The following SLC39A9 variants were observed in gnomAD, a reference collection of about 807,000 sequenced individuals.
SLC39A9 encodes the protein zinc transporter ZIP9.
A neutral mutation model predicts 28.4 loss-of-function variants in SLC39A9; 14 were observed. The ratio of observed to expected loss-of-function variants is 0.49; its 90% CI spans 0.33 to 0.77. The LOEUF (loss-of-function observed/expected upper bound fraction) is 0.77. SLC39A9 is among the 30% of genes least tolerant of loss of function. The pLI, the probability that SLC39A9 is intolerant of heterozygous loss-of-function variation, is 0.02. For missense variants in SLC39A9, 283 were observed against 381.1 expected (o/e 0.74, Z 2.14); for synonymous variants, 119 against 149.6 (o/e 0.80, Z 1.49).
intron 2 of SLC39A9, among the ~76,000 whole-genome samples, chr14:69,427,475 A>T (rs8016781): frequency 0.45 from 68,746 of 152,060 alleles, 15,721 homozygotes; most frequent in Middle Eastern, 0.59. Context: ...TTCACACTTT[A>T]GGTGTACACA....
chr14:69,451,117 A>G (rs938610729), intron 3 of SLC39A9, among the ~76,000 whole-genome samples: 8 of 152,228 alleles, frequency 5.3e-5, no homozygotes, highest in African/African-American at 1.9e-4. Flanking sequence ...CACACAGTGT[A>G]ATTTGACTGT....
chr14:69,431,777 T>C (rs1414602967), intron 2 of SLC39A9, among the ~76,000 whole-genome samples: 1 of 152,162 alleles, frequency 6.6e-6, no homozygotes, highest in East Asian at 1.9e-4. Flanking sequence ...GAGTACCTGA[T>C]GTTTAGTTCC....
intron 1 of SLC39A9, among the ~76,000 whole-genome samples, chr14:69,401,204 A>C (rs1356639362): frequency 2.6e-5 from 4 of 152,110 alleles, no homozygotes; most frequent in Non-Finnish European, 4.4e-5. Flanking sequence ...CCATTAGCAG[A>C]AGTTTATTAT....
intron 1 of SLC39A9, among the ~76,000 whole-genome samples, chr14:69,410,042 GTTAT>G (rs1294807965): frequency 1.3e-5 from 2 of 152,182 alleles, no homozygotes; most frequent in African/African-American, 2.4e-5. Context: ...GCTTTTCCAG[GTTAT>G]TTTTCAATGG....
At chr14:69,454,731 T>G in intron 4 of SLC39A9, 81 bp from the exon 5 acceptor site, 1 of 1,169,530 alleles carries the variant, frequency 8.6e-7, no homozygotes, top group Non-Finnish European at 1.3e-6. Context: ...GACCTGACTG[T>G]AAAGCTCATA....
intron 1 of SLC39A9, among the ~76,000 whole-genome samples, chr14:69,406,985 G>C (rs1371724011): frequency 6.7e-6 from 1 of 149,872 alleles, no homozygotes; most frequent in African/African-American, 2.5e-5. Context: ...CCAGTAGATG[G>C]GATTACAGGT....
chr14:69,422,077 T>C (rs1364027338), intron 1 of SLC39A9, among the ~76,000 whole-genome samples: 2 of 152,134 alleles, frequency 1.3e-5, no homozygotes, highest in African/African-American at 4.8e-5. Context: ...AAATCACCTG[T>C]CTTCTGCGTC....
At position 69,458,731 on chromosome 14, in the gene SLC39A9, T is replaced by G. The variant is rs1053722183; in HGVS notation, c.*138T>G. The G allele has an allele frequency of 6.4e-6, 9 of 1,411,860 alleles. No individual in the cohort carries two copies. Among genetic ancestry groups the G allele is most frequent in the South Asian group, 1.6e-5 (1 of 60,754 alleles). 87.5% of individuals were successfully genotyped at this position (1,411,860 alleles called of 1,614,324 possible). A position where few individuals can be genotyped will look rare whatever the true frequency, so the allele number is the denominator to read the frequency against. On this transcript the variant is annotated 3_prime_UTR_variant, in exon 7 of 7. Transcript: ENST00000336643. ...GTATTCCTAGAGTCCAGAGGGGAGG[T>G]GAGGTTAAAACCTGAGTAATGGAAA...
At position 69,453,225 on chromosome 14, in the gene SLC39A9, C is replaced by T. The variant is rs751894177; in HGVS notation, c.404-16C>T. 1 of 1,610,698 alleles carries T rather than the reference C, an allele frequency of 6.2e-7. No individual in the cohort carries two copies. Among genetic ancestry groups the T allele is most frequent in the Admixed American group, 1.7e-5 (1 of 59,972 alleles). On this transcript the variant is annotated splice_polypyrimidine_tract_variant and intron_variant, in intron 3 of 6. Transcript: ENST00000336643. ...TCTCACATAGCTTAACGCTGTCTTT[C>T]TCATTTTCACTTTAGATCCAGAAGC...
intron 1 of SLC39A9, among the ~76,000 whole-genome samples, 182 bp downstream of exon 1, chr14:69,399,647 A>G (rs1179417214): frequency 6.6e-6 from 1 of 152,214 alleles, no homozygotes; most frequent in Non-Finnish European, 1.5e-5. Context: ...CATTAGTGGA[A>G]TTCTTAACCT....
chr14:69,412,076 CA>C (rs1883298545), intron 1 of SLC39A9, among the ~76,000 whole-genome samples: 1 of 151,824 alleles, frequency 6.6e-6, no homozygotes, highest in East Asian at 2.0e-4. Context: ...CAACCGCACC[CA>C]GCCTATGGCC....
At position 69,455,729 on chromosome 14, in the gene SLC39A9, C is replaced by T. The variant is rs1181402704; in HGVS notation, c.559-3C>T. The stretch of plus-strand genomic sequence containing the variant: ...ATAATAAGAGATGATTTTTTATTTC[C>T]AGGCACCAGCTGCTTTTGGACTGGT... On this transcript the variant is annotated splice_region_variant and splice_polypyrimidine_tract_variant and intron_variant, in intron 5 of 6. Coordinates refer to ENST00000336643, the MANE Select transcript of SLC39A9 (RefSeq NM_018375.5). The T allele has an allele frequency of 1.7e-5, 28 of 1,613,630 alleles. No homozygotes were observed. Among genetic ancestry groups the T allele is most frequent in the Non-Finnish European group, 2.1e-5 (25 of 1,179,866 alleles).
intron 2 of SLC39A9, among the ~76,000 whole-genome samples, chr14:69,425,494 G>A (rs1245874905): frequency 6.6e-6 from 1 of 152,100 alleles, no homozygotes; most frequent in South Asian, 2.1e-4. Flanking sequence ...GAAGGATCCC[G>A]GGAATATCTA....
chr14:69,455,731 G>A lies in SLC39A9; in HGVS notation c.559-1G>A. ...AATAAGAGATGATTTTTTATTTCCA[G>A]GCACCAGCTGCTTTTGGACTGGTTT... On this transcript the variant is annotated splice_acceptor_variant, in intron 5 of 6. Transcript: ENST00000336643. LOFTEE classifies it high-confidence loss of function. 1 of 1,613,860 alleles carries A rather than the reference G, an allele frequency of 6.2e-7. No homozygotes were observed. The highest frequency in any genetic ancestry group is 8.5e-7 in the Non-Finnish European group (1 of 1,179,932).
chr14:69,418,996 C>T (rs1405923814), intron 1 of SLC39A9, among the ~76,000 whole-genome samples: 1 of 152,140 alleles, frequency 6.6e-6, no homozygotes, highest in Non-Finnish European at 1.5e-5. Context: ...TTTTGCATCT[C>T]TATGTCCTTC....
At position 69,444,137 on chromosome 14, in the gene SLC39A9, G is replaced by A. The variant is rs774092482; in HGVS notation, c.403+1871G>A. ...GAAGGTTGAGACTACATTGAGCCACGATCACACCACTGCACTCCAGTTCAG... is the reference window on the plus strand; with the variant it reads ...GAAGGTTGAGACTACATTGAGCCACAATCACACCACTGCACTCCAGTTCAG... On this transcript the variant is annotated intron_variant, in intron 3 of 6. Transcript: ENST00000336643. Among the ~76,000 whole-genome samples the A allele has an allele frequency of 3.9e-5, 6 of 152,006 alleles. No individual in the cohort carries two copies. The South Asian group carries it at 6.2e-4, about 16-fold the overall frequency.
chr14:69,450,414 G>A (rs1885549666), intron 3 of SLC39A9, among the ~76,000 whole-genome samples: 1 of 152,070 alleles, frequency 6.6e-6, no homozygotes, highest in Non-Finnish European at 1.5e-5. Context: ...TTCCTCCTCA[G>A]TAAGTTGAAA....
intron 2 of SLC39A9, chr14:69,441,753 G>A (rs994264290): frequency 7.7e-6 from 8 of 1,033,472 alleles, no homozygotes; most frequent in Non-Finnish European, 9.3e-6. Context: ...GAATTTCTCA[G>A]ATAAAGGAAT....
At chr14:69,415,814 A>G (rs1453459096) in intron 1 of SLC39A9, among the ~76,000 whole-genome samples, 1 of 152,176 alleles carries the variant, frequency 6.6e-6, no homozygotes, top group Non-Finnish European at 1.5e-5. Flanking sequence ...CTATTTTCCC[A>G]TAGAGATAAT....
Sources: allele counts gnomAD v4.1 joint callset (sites outside exome capture counted in the v4.1 genomes callset), GRCh38; gene constraint gnomAD v4.1.1; transcripts MANE v1.5; gene names NCBI Gene and HGNC (gene_info 2026-07-23, HGNC 2026-07-21).